The following SUPT3H variants were observed in gnomAD, a reference collection of about 807,000 sequenced individuals.
SUPT3H encodes transcription initiation protein SPT3 homolog.
A neutral mutation model predicts 44.3 loss-of-function variants in SUPT3H; 44 were observed. The observed-to-expected ratio is 0.99, with a 90% CI of 0.78 to 1.28. The LOEUF (loss-of-function observed/expected upper bound fraction) is 1.28. SUPT3H is among the 50% of genes most tolerant of loss of function. SUPT3H has a pLI of 0.00. For synonymous variants in SUPT3H, 124 were observed against 125.6 expected, an observed-to-expected ratio of 0.99 and a Z score of 0.09; for missense variants, 380 against 387.1, an observed-to-expected ratio of 0.98 and a Z score of 0.15.
chr6:45,307,645 A>G (rs1783261089), intron 2 of SUPT3H, among the ~76,000 whole-genome samples: 3 of 152,240 alleles, frequency 2.0e-5, no homozygotes, highest in African/African-American at 7.2e-5. Context: ...GACCAAAGGT[A>G]GATAAAAAAG....
rs1766842728 is a variant in SUPT3H, at chr6:44,815,385, AGT to A, written c.*53-5886_*53-5885del. ...TCATTACATTAGATATAGTCTAAAG[AGT>A]GGGATTAAAAGGCAGAGATTGTAAA... is the stretch of plus-strand genomic sequence containing the variant. On this transcript the variant is annotated intron_variant and NMD_transcript_variant, in intron 11 of 11. Coordinates refer to the SUPT3H transcript ENST00000475057. 3.3e-5 allele frequency among the ~76,000 whole-genome samples: 5 copies of A among 152,340 alleles called. No individual in the cohort carries two copies. In the South Asian group the frequency reaches 1.0e-3, roughly 32 times the overall value.
chr6:45,346,631 G>A (rs919216529), intron 2 of SUPT3H, among the ~76,000 whole-genome samples: 6 of 149,876 alleles, frequency 4.0e-5, no homozygotes, highest in South Asian at 2.1e-4. Flanking sequence ...GCAGTGGTGC[G>A]ATCTCGGCTC....
intron 2 of SUPT3H, among the ~76,000 whole-genome samples, chr6:45,297,632 G>A (rs1314124839): frequency 2.0e-5 from 3 of 152,106 alleles, no homozygotes; most frequent in Admixed American, 1.3e-4. Context: ...AATTGTTGGA[G>A]GCTTTTTAAA....
chr6:44,967,826 G>C (rs1280882290), intron 6 of SUPT3H, among the ~76,000 whole-genome samples: 2 of 152,016 alleles, frequency 1.3e-5, no homozygotes, highest in Admixed American at 1.3e-4. Context: ...GTCTTGCTCT[G>C]TCACCCAGGC....
In SUPT3H at chr6:44,937,553, G is replaced by C. The variant is rs372348799; in HGVS notation, c.802-4790C>G. 2.9e-4 allele frequency among the ~76,000 whole-genome samples: 44 copies of C among 151,760 alleles called. No homozygotes were observed. The South Asian group carries it at 8.5e-3, about 29-fold the overall frequency. ...GTACTAATTTACATTCCCAACAACA[G>C]TGTACATGAGTTCCCTTTTCTCCAT... is the stretch of plus-strand genomic sequence containing the variant. On this transcript the variant is annotated intron_variant, in intron 9 of 10. Coordinates refer to ENST00000371459, the MANE Select transcript of SUPT3H (RefSeq NM_003599.4).
chr6:45,226,343 G>A (rs572630312), intron 2 of SUPT3H, among the ~76,000 whole-genome samples: 2 of 152,274 alleles, frequency 1.3e-5, no homozygotes, highest in East Asian at 3.9e-4. Flanking sequence ...GTTTGAGTGT[G>A]TGTGTGTGTA....
chr6:44,993,141 G>A (rs1384843938), intron 6 of SUPT3H, among the ~76,000 whole-genome samples: 1 of 152,058 alleles, frequency 6.6e-6, no homozygotes, highest in Non-Finnish European at 1.5e-5. Flanking sequence ...TCAGCCTGGG[G>A]AACAGAAGGA....
At chr6:45,121,667 G>GT (rs937624564) in intron 2 of SUPT3H, among the ~76,000 whole-genome samples, 8 of 151,648 alleles carry the variant, frequency 5.3e-5, no homozygotes, top group South Asian at 2.1e-4. Flanking sequence ...TTTTTTTTGG[G>GT]TTTTTTTGTT....
chr6:45,296,763 A>AAAAAAAAAG, intron 2 of SUPT3H, among the ~76,000 whole-genome samples: 1 of 125,034 alleles, frequency 8.0e-6, no homozygotes, highest in Non-Finnish European at 1.8e-5. Context: ...AAAAAAAAAA[A>AAAAAAAAAG]ATTACAAATA....
chr6:45,286,620 AG>A (rs775481315), intron 2 of SUPT3H, among the ~76,000 whole-genome samples: 7 of 152,210 alleles, frequency 4.6e-5, no homozygotes, highest in Non-Finnish European at 8.8e-5. Flanking sequence ...GTGGAGAAAT[AG>A]GAACACTTTT....
chr6:45,288,431 G>T (rs1779666638), intron 2 of SUPT3H, among the ~76,000 whole-genome samples: 1 of 151,642 alleles, frequency 6.6e-6, no homozygotes, highest in East Asian at 1.9e-4. Context: ...ATGCAATGCT[G>T]ATTTAGAATA....
intron 2 of SUPT3H, among the ~76,000 whole-genome samples, chr6:45,176,552 T>A (rs553200272): frequency 4.1e-4 from 63 of 152,108 alleles, no homozygotes; most frequent in Admixed American, 4.0e-3. Flanking sequence ...GCCAGGAAGC[T>A]CGAACTGGGT....
At chr6:45,212,723 C>T (rs1442016648) in intron 2 of SUPT3H, among the ~76,000 whole-genome samples, 5 of 152,132 alleles carry the variant, frequency 3.3e-5, no homozygotes, top group Admixed American at 2.6e-4. Flanking sequence ...GCTTAGGTAT[C>T]GAATTCTACA....
At chr6:45,256,578 C>T (rs901315213) in intron 2 of SUPT3H, among the ~76,000 whole-genome samples, 4 of 152,168 alleles carry the variant, frequency 2.6e-5, no homozygotes, top group Admixed American at 2.6e-4. Context: ...ACTCTCCACC[C>T]CCCACCCTCC....
chr6:45,124,678 G>C (rs1802165516), intron 2 of SUPT3H, among the ~76,000 whole-genome samples: 1 of 151,168 alleles, frequency 6.6e-6, no homozygotes, highest in Non-Finnish European at 1.5e-5. Context: ...TTTTTAAACT[G>C]TACAGCTTAC....
intron 11 of SUPT3H, among the ~76,000 whole-genome samples, chr6:44,820,210 C>A (rs1046466883): frequency 2.0e-5 from 3 of 152,048 alleles, no homozygotes; most frequent in African/African-American, 7.3e-5. Context: ...CAGAGTGAGA[C>A]CCCATCTCAA....
intron 10 of SUPT3H, among the ~76,000 whole-genome samples, chr6:44,922,194 G>A (rs1768838467): frequency 1.3e-5 from 2 of 152,160 alleles, no homozygotes; most frequent in South Asian, 2.1e-4. Context: ...CATAGCCTAG[G>A]GGATTTGGTT....
Position 44,954,496 on chromosome 6 carries a change from T to C in SUPT3H, c.692A>G (p.Gln231Arg), listed in dbSNP as rs746075855. The change falls in exon 8 of 11, where the codon CAG (glutamine) becomes CGG (arginine). Residue 231 changes from glutamine to arginine, a missense_variant and splice_region_variant. Gln to Arg is a conservative substitution (Grantham distance 43). Coordinates refer to ENST00000371459, the MANE Select transcript of SUPT3H (RefSeq NM_003599.4). ...GATATGACAGATTAGAATTCTTACC[T>C]GTGCCACAGTTTCATACGCTAAATA... ...LAYLAYETVA[Q>R]LVDLALLVRQ... The C allele has an allele frequency of 3.7e-6, 6 of 1,610,464 alleles. No individual in the cohort carries two copies. Among genetic ancestry groups the C allele is most frequent in the Non-Finnish European group, 5.1e-6 (6 of 1,176,626 alleles).
chr6:45,014,354 G>T (rs936675896), intron 5 of SUPT3H, among the ~76,000 whole-genome samples: 1 of 152,082 alleles, frequency 6.6e-6, no homozygotes, highest in Non-Finnish European at 1.5e-5. Flanking sequence ...TTTAGTGGCA[G>T]GCAGGTATCA....
Sources: allele counts gnomAD v4.1 joint callset (sites outside exome capture counted in the v4.1 genomes callset), GRCh38; gene constraint gnomAD v4.1.1; transcripts MANE v1.5; gene names NCBI Gene and HGNC (gene_info 2026-07-23, HGNC 2026-07-21).